Variants in SLK observed in about 807,000 individuals in gnomAD.
SLK encodes STE20 like kinase.
Under a neutral mutation model 147.7 loss-of-function variants are expected in SLK, and 67 were observed. The observed-to-expected ratio is 0.45, with a 90% CI of 0.37 to 0.56. The LOEUF (loss-of-function observed/expected upper bound fraction) is 0.56, where lower values mean the gene tolerates loss of function less well. SLK is among the 20% of genes least tolerant of loss of function. The pLI is 0.00. For synonymous variants in SLK, 441 were observed against 475.0 expected (o/e 0.93, Z 0.93); for missense variants, 1,136 against 1,438.8 (o/e 0.79, Z 3.41).
Position 104,011,111 on chromosome 10 carries a change from G to A in SLK, c.2877+203G>A, listed in dbSNP as rs111615577. On this transcript the variant is annotated intron_variant, in intron 13 of 18. Coordinates refer to ENST00000369755, the MANE Select transcript of SLK (RefSeq NM_014720.4). ...TTAAGTTGCTAATATGAAGTTAAGT[G>A]GAATGTTTGGAAAGTTGACTCCAGA... 3.3e-3 allele frequency among the ~76,000 whole-genome samples: 506 copies of A among 152,198 alleles called. 1 individual carries two copies. Among genetic ancestry groups the A allele is most frequent in the Non-Finnish European group, 5.2e-3 (351 of 68,006 alleles).
In SLK at chr10:104,028,749, C is replaced by G. The variant is rs965000485; in HGVS notation, c.*3029C>G. The stretch of plus-strand genomic sequence containing the variant: ...TAACTATACACTTTTTCCCATTCCA[C>G]ACTGTGCTTAAATGACAAAGACTCT... On this transcript the variant is annotated 3_prime_UTR_variant, in exon 19 of 19. Transcript: ENST00000369755. The G allele has an allele frequency of 3.3e-5, 5 of 152,196 alleles. No individual in the cohort carries two copies. The highest frequency in any genetic ancestry group is 9.7e-5 in the African/African-American group (4 of 41,444). The allele number at this position is 152,196 out of a possible 1,614,324, so 9.4% of individuals were successfully genotyped here. A position where few individuals can be genotyped will look rare whatever the true frequency, so the allele number is the denominator to read the frequency against.
At chr10:103,995,423 CTTTTTTTTT>C (rs756975426) in intron 4 of SLK, among the ~76,000 whole-genome samples, 15 of 67,690 alleles carry the variant, frequency 2.2e-4, no homozygotes, top group African/African-American at 1.1e-3. Context: ...TCTTTCTTTT[CTTTTTTTTT>C]TTTTTTTTTT....
chr10:104,010,436 A>G (rs191248995), intron 12 of SLK, among the ~76,000 whole-genome samples: 66 of 152,306 alleles, frequency 4.3e-4, no homozygotes, highest in African/African-American at 1.5e-3. Flanking sequence ...CTTATGTTCA[A>G]TATTTCCAAC....
In SLK at chr10:104,008,198, C is replaced by G. The variant is rs1401093907; in HGVS notation, c.2626C>G (p.Gln876Glu). ...ACAGAGTAAAAAGCGACAATATGAC[C>G]AGGAAATTGAGAATCTAGAAAAACA... ...EMMSKKRQYD[Q>E]EIENLEKQQK... The change falls in exon 12 of 19, where the codon CAG becomes GAG. Residue 876 changes from glutamine (Q) to glutamate (E), a missense_variant. Gln to Glu is a conservative substitution (Grantham distance 29). Around this residue, in one of 6 missense-constraint regions of SLK, gnomAD observed 327 missense variants for 457.5 expected, o/e 0.71. Coordinates refer to ENST00000369755, the MANE Select transcript of SLK (RefSeq NM_014720.4). 4 of 1,612,262 alleles carry G rather than the reference C, an allele frequency of 2.5e-6. No individual in the cohort carries two copies. The highest frequency in any genetic ancestry group is 3.4e-6 in the Non-Finnish European group (4 of 1,179,508).
At chr10:103,986,182 A>G (rs1016673149) in intron 1 of SLK, among the ~76,000 whole-genome samples, 5 of 152,106 alleles carry the variant, frequency 3.3e-5, no homozygotes, top group African/African-American at 9.7e-5. Flanking sequence ...GGATAATTCA[A>G]GTGTGTTATG....
At chr10:103,968,131 AAAGTCT>A (rs1843743602) in intron 1 of SLK, among the ~76,000 whole-genome samples, 1 of 152,188 alleles carries the variant, frequency 6.6e-6, no homozygotes, top group South Asian at 2.1e-4. Context: ...ACAGGGTTAT[AAAGTCT>A]ACTCTTTCAA....
intron 1 of SLK, among the ~76,000 whole-genome samples, chr10:103,977,663 A>G (rs1190083205): frequency 1.3e-5 from 2 of 152,208 alleles, no homozygotes; most frequent in Non-Finnish European, 2.9e-5. Flanking sequence ...ATTTTTTCAT[A>G]TAAGTTCTGC....
In SLK at chr10:104,002,595, A is replaced by G. The variant is rs1405273659; in HGVS notation, c.1417A>G (p.Lys473Glu). Residue 473 changes from lysine (K) to glutamate (E), a missense_variant, in exon 9 of 19, where the codon AAG becomes GAG. Lys to Glu is a moderately conservative substitution (Grantham distance 56). Coordinates refer to ENST00000369755, the MANE Select transcript of SLK (RefSeq NM_014720.4). ...ACATAATCTAAAATCTGAGGAAGAAAAGGATCAGGAAAAGCAACAGATGTT... is the reference window on the plus strand; with the variant it reads ...ACATAATCTAAAATCTGAGGAAGAAGAGGATCAGGAAAAGCAACAGATGTT... Reference protein sequence around the residue: ...IEHNLKSEEEKDQEKQQMFEN... With the variant: ...IEHNLKSEEEEDQEKQQMFEN... 6.2e-7 allele frequency: 1 copy of G among 1,605,142 alleles called. No individual in the cohort carries two copies.
intron 18 of SLK, among the ~76,000 whole-genome samples, chr10:104,022,397 C>A (rs558956615): frequency 8.5e-5 from 13 of 152,292 alleles, no homozygotes; most frequent in African/African-American, 3.1e-4. Context: ...TTCACCTGGT[C>A]TTACTGGCTA....
intron 1 of SLK, chr10:103,974,714 G>A (rs1352661535): frequency 4.1e-5 from 3 of 73,290 alleles, no homozygotes; most frequent in African/African-American, 1.5e-4. Flanking sequence ...GCAGTGGCGC[G>A]ATCTCGGCTC....
intron 4 of SLK, among the ~76,000 whole-genome samples, chr10:103,993,775 G>A (rs1036571487): frequency 6.6e-6 from 1 of 152,254 alleles, no homozygotes; most frequent in South Asian, 2.1e-4. Flanking sequence ...GTCCAAATTT[G>A]TATATTTTGG....
rs936002030 is a variant in SLK, at chr10:104,019,814, G to T, written c.3213G>T (p.Leu1071=). ...GACAGACTCAAGAAAGAGCAAGACT[G>T]CCCAAGATTCAGCGCAGTGAAGCCA... ...KNRQTQERAR[L]PKIQRSEAKT... Residue 1071 remains leucine, a synonymous_variant, in exon 16 of 19, where the codon CTG becomes CTT. Transcript: ENST00000369755. 6.2e-7 allele frequency: 1 copy of T among 1,613,882 alleles called. No individual in the cohort carries two copies. Among genetic ancestry groups the T allele is most frequent in the Non-Finnish European group, 8.5e-7 (1 of 1,179,854 alleles).
intron 2 of SLK, among the ~76,000 whole-genome samples, chr10:103,991,106 A>G (rs1388182827): frequency 6.6e-6 from 1 of 152,168 alleles, no homozygotes; most frequent in African/African-American, 2.4e-5. Context: ...GTTAAGAATA[A>G]TAAATTTCCT....
At chr10:103,996,114 C>T (rs1386415670) in intron 4 of SLK, among the ~76,000 whole-genome samples, 4 of 152,258 alleles carry the variant, frequency 2.6e-5, no homozygotes, top group Admixed American at 2.0e-4. Context: ...GTAGATTCCT[C>T]TGAAAGGGCT....
In SLK at chr10:104,002,609, G is replaced by A; in HGVS notation, c.1431G>A (p.Lys477=). The A allele has an allele frequency of 1.2e-6, 2 of 1,606,652 alleles. No homozygotes were observed. The highest frequency in any genetic ancestry group is 1.7e-6 in the Non-Finnish European group (2 of 1,175,814). Residue 477 remains lysine, a synonymous_variant, in exon 9 of 19, where the codon AAG becomes AAA. Transcript: ENST00000369755. ...CTGAGGAAGAAAAGGATCAGGAAAA[G>A]CAACAGATGTTTGAAAATAAGCTTA... is the stretch of plus-strand genomic sequence containing the variant. ...LKSEEEKDQE[K]QQMFENKLIK...
At chr10:103,974,917 C>T (rs932999652) in intron 1 of SLK, 1 of 145,416 alleles carries the variant, frequency 6.9e-6, no homozygotes, top group Non-Finnish European at 1.5e-5. Context: ...GATCCACCCG[C>T]CTCGGCCTCC....
intron 5 of SLK, 54 bp downstream of exon 5, chr10:103,999,025 T>A: frequency 1.3e-6 from 2 of 1,530,984 alleles, no homozygotes; most frequent in Non-Finnish European, 1.8e-6. Context: ...CAGTTATAAT[T>A]ACTCATGAAT....
intron 11 of SLK, among the ~76,000 whole-genome samples, chr10:104,007,139 G>A (rs1234861657): frequency 6.6e-6 from 1 of 151,812 alleles, no homozygotes; most frequent in African/African-American, 2.4e-5. Context: ...AAATAATGGC[G>A]ATATTATTAA....
At chr10:103,980,513 G>A (rs1843927336) in intron 1 of SLK, among the ~76,000 whole-genome samples, 1 of 151,988 alleles carries the variant, frequency 6.6e-6, no homozygotes, top group Non-Finnish European at 1.5e-5. Context: ...TCCTGCCCTA[G>A]GCAACTGTTC....
Sources: allele counts gnomAD v4.1 joint callset (sites outside exome capture counted in the v4.1 genomes callset), GRCh38; gene constraint gnomAD v4.1.1; regional missense constraint gnomAD v4.1.1; transcripts MANE v1.5; gene names NCBI Gene and HGNC (gene_info 2026-07-23, HGNC 2026-07-21).